PXDNL: variants seen among roughly 807,000 people sequenced by gnomAD.
PXDNL encodes peroxidasin like.
A neutral mutation model predicts 150.8 loss-of-function variants in PXDNL; 145 were observed. That is an observed-to-expected ratio of 0.96 (90% confidence interval 0.84 to 1.10). The LOEUF is 1.10. Ranked by LOEUF, PXDNL falls within the 50% of genes least tolerant of loss-of-function variation. The probability of loss-of-function intolerance (pLI) is 0.00; values close to 1 mark genes in which losing one functional copy is unlikely to be tolerated. For missense variants in PXDNL, 2,087 were observed against 1,873.9 expected, an observed-to-expected ratio of 1.11 and a Z score of -2.10; for synonymous variants, 757 against 725.7, an observed-to-expected ratio of 1.04 and a Z score of -0.69.
intron 1 of PXDNL, among the ~76,000 whole-genome samples, chr8:51,724,581 C>T (rs1028022178): frequency 1.3e-5 from 2 of 152,142 alleles, no homozygotes; most frequent in South Asian, 2.1e-4. Flanking sequence ...TTCTGCCCTT[C>T]GAGAGTAGGC....
At chr8:51,519,523 A>G (rs1811613917) in intron 4 of PXDNL, among the ~76,000 whole-genome samples, 1 of 151,740 alleles carries the variant, frequency 6.6e-6, no homozygotes, top group African/African-American at 2.4e-5. Context: ...ACAGAGTGAG[A>G]CACCATCTTA....
chr8:51,473,668 C>T (rs908760827), intron 7 of PXDNL, among the ~76,000 whole-genome samples: 2 of 150,436 alleles, frequency 1.3e-5, no homozygotes, highest in Non-Finnish European at 2.9e-5. Flanking sequence ...GGGTGCAGCA[C>T]ACCAACATGG....
At chr8:51,592,252 A>T (rs1014180583) in intron 3 of PXDNL, among the ~76,000 whole-genome samples, 2 of 152,216 alleles carry the variant, frequency 1.3e-5, no homozygotes, top group African/African-American at 4.8e-5. Context: ...TCTTGGATAG[A>T]TACTCTGTTG....
At chr8:51,440,608 G>A (rs1809520349) in intron 12 of PXDNL, among the ~76,000 whole-genome samples, 1 of 152,034 alleles carries the variant, frequency 6.6e-6, no homozygotes, top group South Asian at 2.1e-4. Context: ...CTTACTTACT[G>A]ATGGTGCAAA....
Position 51,673,851 on chromosome 8 carries a change from GT to G in PXDNL, c.165-19092del, listed in dbSNP as rs563910263. Reference sequence around the variant, plus strand: ...GACTTAAAAGTTTAGCCTTTTATAGGTTTTTCATGTGGGCATAACTTTTTTC... The same window carrying G: ...GACTTAAAAGTTTAGCCTTTTATAGGTTTTCATGTGGGCATAACTTTTTTC... On this transcript the variant is annotated intron_variant, in intron 1 of 22. Coordinates refer to ENST00000356297, the MANE Select transcript of PXDNL (RefSeq NM_144651.5). Among the ~76,000 whole-genome samples, 123 of 152,194 alleles carry G rather than the reference GT, an allele frequency of 8.1e-4. 1 individual carries two copies. In the South Asian group the frequency reaches 0.025, roughly 31 times the overall value.
chr8:51,412,576 T>C (rs1022846318), intron 15 of PXDNL, among the ~76,000 whole-genome samples: 1 of 152,230 alleles, frequency 6.6e-6, no homozygotes, highest in Non-Finnish European at 1.5e-5. Context: ...TTTTACGATG[T>C]CCCTTTTTGA....
chr8:51,501,558 ACT>A (rs1439573044), intron 4 of PXDNL, among the ~76,000 whole-genome samples: 1 of 151,396 alleles, frequency 6.6e-6, no homozygotes, highest in African/African-American at 2.4e-5. Flanking sequence ...ACAGCATCAC[ACT>A]CAGATACACA....
chr8:51,779,117 G>T (rs939799621), intron 1 of PXDNL, among the ~76,000 whole-genome samples: 6 of 152,196 alleles, frequency 3.9e-5, no homozygotes, highest in Non-Finnish European at 8.8e-5. Context: ...AGGGGGTAGA[G>T]TAGAAAAGAT....
chr8:51,400,337 T>G (rs1240472005), intron 17 of PXDNL, among the ~76,000 whole-genome samples: 1 of 152,218 alleles, frequency 6.6e-6, no homozygotes, highest in African/African-American at 2.4e-5. Flanking sequence ...CAGGATGGAA[T>G]TTTCCACTTG....
chr8:51,345,419 C>A (rs1358893951), intron 20 of PXDNL, among the ~76,000 whole-genome samples: 2 of 152,172 alleles, frequency 1.3e-5, no homozygotes, highest in East Asian at 1.9e-4. Flanking sequence ...ACAAATCAAG[C>A]CTTGCTTGCC....
chr8:51,332,499 G>T (rs183122590), intron 21 of PXDNL, among the ~76,000 whole-genome samples: 1 of 151,742 alleles, frequency 6.6e-6, no homozygotes, highest in Admixed American at 6.6e-5. Context: ...ACGAGAAAAA[G>T]AATTCAGGAG....
chr8:51,759,703 A>C (rs1279307754), intron 1 of PXDNL, among the ~76,000 whole-genome samples: 1 of 152,244 alleles, frequency 6.6e-6, no homozygotes, highest in Non-Finnish European at 1.5e-5. Flanking sequence ...AGAAGAACAC[A>C]AATTACATTG....
intron 5 of PXDNL, among the ~76,000 whole-genome samples, chr8:51,487,604 T>C (rs1212362053): frequency 6.6e-6 from 1 of 152,172 alleles, no homozygotes; most frequent in African/African-American, 2.4e-5. Context: ...CTAAAGTAAC[T>C]TGAACATTTT....
At chr8:51,381,349 C>G (rs548122973) in intron 17 of PXDNL, among the ~76,000 whole-genome samples, 2 of 151,882 alleles carry the variant, frequency 1.3e-5, no homozygotes, top group African/African-American at 4.8e-5. Flanking sequence ...TGTGTCTTAT[C>G]CTGTGTTTCC....
rs568432163 is a variant in PXDNL, at chr8:51,552,337, C to T, written c.380+4503G>A. On this transcript the variant is annotated intron_variant, in intron 4 of 22. Coordinates refer to ENST00000356297, the MANE Select transcript of PXDNL (RefSeq NM_144651.5). ...AGCAATCCCACTACTGGGTATCTAC[C>T]CACAGAAAAAGAAGTTATTATATAA... 5.9e-5 allele frequency among the ~76,000 whole-genome samples: 9 copies of T among 152,088 alleles called. No individual in the cohort carries two copies. In the South Asian group the frequency reaches 8.3e-4, roughly 14 times the overall value.
chr8:51,360,192 T>A (rs1586032927), intron 19 of PXDNL, among the ~76,000 whole-genome samples: 1 of 152,316 alleles, frequency 6.6e-6, no homozygotes, highest in South Asian at 2.1e-4. Flanking sequence ...CGTATACACT[T>A]TTGTGTACAC....
intron 1 of PXDNL, among the ~76,000 whole-genome samples, chr8:51,692,051 C>G (rs1442547730): frequency 6.6e-6 from 1 of 152,162 alleles, no homozygotes; most frequent in Non-Finnish European, 1.5e-5. Flanking sequence ...AGCAAGGGCC[C>G]CTGATTAAGG....
intron 1 of PXDNL, among the ~76,000 whole-genome samples, chr8:51,683,792 GGC>G (rs1225266187): frequency 2.0e-5 from 3 of 152,122 alleles, no homozygotes; most frequent in African/African-American, 7.2e-5. Context: ...GAGATTCCAA[GGC>G]ATGCGAGACT....
At chr8:51,544,541 T>C (rs1278792777) in intron 4 of PXDNL, among the ~76,000 whole-genome samples, 1 of 152,178 alleles carries the variant, frequency 6.6e-6, no homozygotes, top group African/African-American at 2.4e-5. Flanking sequence ...AGCCAACACA[T>C]AGAAAATAAC....
Sources: allele counts gnomAD v4.1 joint callset (sites outside exome capture counted in the v4.1 genomes callset), GRCh38; gene constraint gnomAD v4.1.1; transcripts MANE v1.5; gene names NCBI Gene and HGNC (gene_info 2026-07-23, HGNC 2026-07-21).